The following LRRFIP2 variants were observed in gnomAD, a reference collection of about 807,000 sequenced individuals.
The protein encoded by LRRFIP2 is LRR binding FLII interacting protein 2, also known as leucine-rich repeat flightless-interacting protein 2.
A neutral mutation model predicts 125.9 loss-of-function variants in LRRFIP2; 109 were observed. The ratio of observed to expected loss-of-function variants is 0.87; its 90% CI spans 0.74 to 1.01. The LOEUF is 1.01. LRRFIP2 is among the 50% of genes least tolerant of loss of function. The pLI, the probability that LRRFIP2 is intolerant of heterozygous loss-of-function variation, is 0.00. For missense variants in LRRFIP2, 850 were observed against 862.3 expected (o/e 0.99, Z 0.18); for synonymous variants, 291 against 293.1 (o/e 0.99, Z 0.07).
intron 14 of LRRFIP2, among the ~76,000 whole-genome samples, chr3:37,104,246 A>G (rs1384244751): frequency 6.6e-6 from 1 of 152,202 alleles, no homozygotes; most frequent in East Asian, 1.9e-4. Flanking sequence ...CTACAAAGAT[A>G]GTATTAACAT....
intron 4 of LRRFIP2, among the ~76,000 whole-genome samples, chr3:37,125,944 TTC>T (rs1312598953): frequency 2.0e-5 from 3 of 152,208 alleles, no homozygotes; most frequent in African/African-American, 7.2e-5. Context: ...TTTAATTTTT[TTC>T]TTTTTTTCTT....
At chr3:37,156,538 G>A (rs2096199387) in intron 1 of LRRFIP2, among the ~76,000 whole-genome samples, 1 of 151,326 alleles carries the variant, frequency 6.6e-6, no homozygotes, top group Non-Finnish European at 1.5e-5. Context: ...GCCGGGCGTG[G>A]TGGCAGGCGC....
At chr3:37,122,739 C>A (rs1302762507) in intron 4 of LRRFIP2, among the ~76,000 whole-genome samples, 1 of 151,802 alleles carries the variant, frequency 6.6e-6, no homozygotes, top group East Asian at 1.9e-4. Context: ...TCGAATAATG[C>A]CATAAGCAGA....
chr3:37,105,454 CCA>C lies in LRRFIP2; in HGVS notation c.782_783del (p.Val261GlyfsTer5). ...TTTCTTTGCATGCAAATCATGCTCA[CCA>C]CACTCTCCCTTCGTCCACGACTGGC... is the stretch of plus-strand genomic sequence containing the variant. ...DRASRGRRES[V>X]VSAADYFSRS... On this transcript the variant is annotated frameshift_variant and splice_region_variant, in exon 14 of 28. Coordinates refer to ENST00000336686, the MANE Select transcript of LRRFIP2 (RefSeq NM_006309.4). LOFTEE classifies it high-confidence loss of function. 6.2e-7 allele frequency: 1 copy of C among 1,613,492 alleles called. No homozygotes were observed. The highest frequency in any genetic ancestry group is 8.5e-7 in the Non-Finnish European group (1 of 1,179,472).
intron 6 of LRRFIP2, 104 bp from the exon 7 acceptor site, chr3:37,115,199 T>TA: frequency 1.3e-6 from 1 of 743,762 alleles, no homozygotes; most frequent in Non-Finnish European, 2.2e-6. Context: ...AGCACTATTT[T>TA]AAAATAAAAA....
At chr3:37,171,363 C>CA (rs2096584699) in intron 1 of LRRFIP2, among the ~76,000 whole-genome samples, 1 of 152,072 alleles carries the variant, frequency 6.6e-6, no homozygotes, top group Non-Finnish European at 1.5e-5. Context: ...GACAAGGTCT[C>CA]AAAATAGACC....
intron 15 of LRRFIP2, among the ~76,000 whole-genome samples, chr3:37,099,264 G>A (rs542511765): frequency 6.6e-6 from 1 of 152,200 alleles, no homozygotes; most frequent in South Asian, 2.1e-4. Flanking sequence ...AAACCTAGCT[G>A]AAACTTGGTA....
chr3:37,086,793 T>G (rs1018988888), intron 18 of LRRFIP2, among the ~76,000 whole-genome samples: 6 of 152,178 alleles, frequency 3.9e-5, no homozygotes, highest in African/African-American at 1.2e-4. Flanking sequence ...ATTATATATT[T>G]TAAATGGGTA....
chr3:37,119,765 TTCTCATGCCTCAG>T (rs1175128138), intron 6 of LRRFIP2, among the ~76,000 whole-genome samples: 1 of 152,088 alleles, frequency 6.6e-6, no homozygotes, highest in Non-Finnish European at 1.5e-5. Context: ...ATCCAACTGA[TTCTCATGCCTCAG>T]CCTCCCAAGT....
intron 1 of LRRFIP2, among the ~76,000 whole-genome samples, chr3:37,166,456 G>C (rs985005488): frequency 4.6e-5 from 7 of 152,076 alleles, no homozygotes; most frequent in Non-Finnish European, 1.0e-4. Flanking sequence ...AGCTGATAAA[G>C]GATTGATATA....
intron 1 of LRRFIP2, among the ~76,000 whole-genome samples, chr3:37,163,592 T>A (rs1410750280): frequency 6.6e-6 from 1 of 152,226 alleles, no homozygotes; most frequent in African/African-American, 2.4e-5. Flanking sequence ...ACTCTGTCAC[T>A]GCTTTTCAAC....
intron 1 of LRRFIP2, among the ~76,000 whole-genome samples, chr3:37,149,955 C>T (rs2095971727): frequency 6.6e-6 from 1 of 151,752 alleles, no homozygotes; most frequent in South Asian, 2.1e-4. Flanking sequence ...CAGCCAAGAT[C>T]ACGCCACTGG....
At chr3:37,157,243 G>C (rs2096227061) in intron 1 of LRRFIP2, among the ~76,000 whole-genome samples, 4 of 152,102 alleles carry the variant, frequency 2.6e-5, no homozygotes. Flanking sequence ...AAGGGTTCAA[G>C]ACCAGCCTGG....
intron 4 of LRRFIP2, among the ~76,000 whole-genome samples, chr3:37,123,122 A>G (rs556782936): frequency 4.8e-4 from 73 of 152,314 alleles, no homozygotes; most frequent in African/African-American, 1.7e-3. Context: ...CTATGATTCA[A>G]TTTCTAATCA....
chr3:37,150,137 C>T (rs911133813), intron 1 of LRRFIP2, among the ~76,000 whole-genome samples: 1 of 152,124 alleles, frequency 6.6e-6, no homozygotes, highest in African/African-American at 2.4e-5. Flanking sequence ...GCTAAAGGTA[C>T]GGTGATGAAG....
intron 2 of LRRFIP2, among the ~76,000 whole-genome samples, chr3:37,140,121 A>C (rs1173540475): frequency 6.6e-6 from 1 of 151,866 alleles, no homozygotes; most frequent in Non-Finnish European, 1.5e-5. Context: ...TTATTCTCTC[A>C]TCTCTCTCCT....
chr3:37,053,998 A>G lies in LRRFIP2; in HGVS notation c.2056-37T>C, dbSNP rs747584472. ...GAGAATGCAGTCACTACATGTGGTC[A>G]GAAACAACATCCAGTGCTACTCTAT... On this transcript the variant is annotated intron_variant, in intron 27 of 27. Transcript: ENST00000336686. 4 of 1,185,720 alleles carry G rather than the reference A, an allele frequency of 3.4e-6. No homozygotes were observed. In the South Asian group the frequency reaches 3.6e-5, roughly 11 times the overall value. The allele number at this position is 1,185,720 out of a possible 1,614,324, so 73.4% of individuals were successfully genotyped here.
chr3:37,111,230 T>C (rs1034496508), intron 8 of LRRFIP2, among the ~76,000 whole-genome samples, 165 bp from the exon 9 acceptor site: 1 of 152,212 alleles, frequency 6.6e-6, no homozygotes, highest in Admixed American at 6.5e-5. Context: ...AAAGTGACAA[T>C]TATTTCAAGC....
intron 1 of LRRFIP2, among the ~76,000 whole-genome samples, chr3:37,166,428 A>C (rs767812803): frequency 2.0e-5 from 3 of 152,228 alleles, no homozygotes; most frequent in Non-Finnish European, 4.4e-5. Context: ...GGAATAAAAA[A>C]AAATTTGCAA....
Sources: allele counts gnomAD v4.1 joint callset (sites outside exome capture counted in the v4.1 genomes callset), GRCh38; gene constraint gnomAD v4.1.1; transcripts MANE v1.5; gene names NCBI Gene and HGNC (gene_info 2026-07-23, HGNC 2026-07-21).